The following FMNL3 variants were observed in gnomAD, a reference collection of about 807,000 sequenced individuals.
FMNL3 encodes the protein formin-like protein 3.
A neutral mutation model predicts 119.6 loss-of-function variants in FMNL3; 57 were observed. The observed-to-expected ratio is 0.48, with a 90% CI of 0.39 to 0.59. The LOEUF (loss-of-function observed/expected upper bound fraction) is 0.59. FMNL3 is among the 20% of genes least tolerant of loss of function. The probability of loss-of-function intolerance (pLI) is 0.00; values close to 1 mark genes in which losing one functional copy is unlikely to be tolerated. For synonymous variants in FMNL3, 491 were observed against 507.3 expected, an observed-to-expected ratio of 0.97 and a Z score of 0.43; for missense variants, 1,053 against 1,323.5, an observed-to-expected ratio of 0.80 and a Z score of 3.17.
rs1430038714 is a variant in FMNL3 at position 49,643,888 on chromosome 12, G to C, written c.*1927C>G. The C allele has an allele frequency of 1.2e-6, 2 of 1,614,224 alleles. No homozygotes were observed. Among genetic ancestry groups the C allele is most frequent in the Non-Finnish European group, 8.5e-7 (1 of 1,180,038 alleles). ...TAGTCCTGAGAGTGAGACAGACCCT[G>C]AGGAGAAAGCTGGCAAGGAGAGCGA... On this transcript the variant is annotated 3_prime_UTR_variant, in exon 26 of 26. Coordinates refer to ENST00000335154, the MANE Select transcript of FMNL3 (RefSeq NM_175736.5).
At position 49,649,197 on chromosome 12, in the gene FMNL3, A is replaced by C; in HGVS notation, c.2386-39T>G. 6.2e-7 allele frequency: 1 copy of C among 1,612,452 alleles called. No individual in the cohort carries two copies. The highest frequency in any genetic ancestry group is 8.5e-7 in the Non-Finnish European group (1 of 1,179,198). On this transcript the variant is annotated intron_variant, in intron 20 of 25. Transcript: ENST00000335154. The surrounding 1 kb of genome is among the most constrained non-coding windows in gnomAD (Gnocchi z 5.6). ...TGAGGGCGGTGCACAAGAGCTAAGC[A>C]CTCTGGCTCCACAACTGCTGCCCCC...
In FMNL3 at chr12:49,654,344, A is replaced by G. The variant is rs766539066; in HGVS notation, c.961-42T>C. 2.6e-6 allele frequency: 4 copies of G among 1,559,102 alleles called. No homozygotes were observed. In the Admixed American group the frequency reaches 6.7e-5, roughly 26 times the overall value. The stretch of plus-strand genomic sequence containing the variant: ...CCAGAGAAGCAGCAACAGGAAGGGC[A>G]GAGGAAAGGCAAGAGACCAGGAGGA... On this transcript the variant is annotated intron_variant, in intron 10 of 25. Coordinates refer to ENST00000335154, the MANE Select transcript of FMNL3 (RefSeq NM_175736.5).
chr12:49,657,273 A>G, intron 6 of FMNL3, 83 bp from the exon 7 acceptor site: 1 of 1,109,232 alleles, frequency 9.0e-7, no homozygotes. Context: ...CCCGGACAGC[A>G]GGCTGCCCCT....
At chr12:49,660,092 A>T in intron 5 of FMNL3, 1 of 277,538 alleles carries the variant, frequency 3.6e-6, no homozygotes, top group Non-Finnish European at 5.5e-6. Flanking sequence ...TGACAGGGAA[A>T]CAGCTTGCTG....
rs184121414 is a variant in FMNL3, at chr12:49,694,199, C to A, written c.126+12856G>T. 6.5e-4 allele frequency among the ~76,000 whole-genome samples: 99 copies of A among 152,300 alleles called. 1 individual carries two copies. Among genetic ancestry groups the A allele is most frequent in the Middle Eastern group, 3.4e-3 (1 of 294 alleles). ...CCTCCCAAAGTGCTGGAATTACAGGCATGAGCCACCACGCCCAGCCTATTT... is the reference window on the plus strand; with the variant it reads ...CCTCCCAAAGTGCTGGAATTACAGGAATGAGCCACCACGCCCAGCCTATTT... On this transcript the variant is annotated intron_variant, in intron 1 of 25. Transcript: ENST00000335154.
chr12:49,665,877 T>C lies in FMNL3; in HGVS notation c.323A>G (p.Lys108Arg), dbSNP rs1264007379. 1 of 1,614,148 alleles carries C rather than the reference T, an allele frequency of 6.2e-7. No individual in the cohort carries two copies. ...AGAGATCTCCAGCTCCCTTAGTACT[T>C]TGGTTGACTCCTGCACCCTCCTCCT... ...KFRRRVQEST[K>R]VLRELEISLR... is the part of the protein sequence containing the mutation. The change falls in exon 4 of 26, where the codon AAA becomes AGA. Residue 108 changes from lysine (K) to arginine (R), a missense_variant. Lys to Arg is a conservative substitution (Grantham distance 26). Around this residue, in one of 4 missense-constraint regions of FMNL3, gnomAD observed 264 missense variants for 265.5 expected, o/e 0.99. Transcript: ENST00000335154.
chr12:49,662,768 T>A (rs935658655), intron 4 of FMNL3, among the ~76,000 whole-genome samples: 1 of 152,150 alleles, frequency 6.6e-6, no homozygotes, highest in African/African-American at 2.4e-5. Context: ...AAGGACCATA[T>A]CCCAGGGCAT....
chr12:49,670,672 G>C (rs1944021376), intron 1 of FMNL3, among the ~76,000 whole-genome samples: 1 of 152,190 alleles, frequency 6.6e-6, no homozygotes, highest in Non-Finnish European at 1.5e-5. Flanking sequence ...GCATCTGCCT[G>C]AACTTCCACA....
At chr12:49,704,673 C>T (rs1327376804) in intron 1 of FMNL3, among the ~76,000 whole-genome samples, 2 of 146,504 alleles carry the variant, frequency 1.4e-5, no homozygotes, top group East Asian at 2.0e-4. Flanking sequence ...ATCGTGCTGC[C>T]GCACTCCAGC....
intron 1 of FMNL3, among the ~76,000 whole-genome samples, chr12:49,693,744 G>A (rs1297454629): frequency 1.4e-5 from 2 of 146,512 alleles, no homozygotes; most frequent in Non-Finnish European, 3.0e-5. Context: ...TGCCTCCTGG[G>A]TTCAAGCAAT....
At chr12:49,661,063 G>A (rs1943719456) in intron 5 of FMNL3, among the ~76,000 whole-genome samples, 1 of 152,188 alleles carries the variant, frequency 6.6e-6, no homozygotes, top group African/African-American at 2.4e-5. Flanking sequence ...TGGGAAGATT[G>A]GTCTCCCTAA....
In FMNL3 at chr12:49,643,624, G is replaced by A. The variant is rs963374748; in HGVS notation, c.*2191C>T. 1.4e-5 allele frequency: 21 copies of A among 1,536,876 alleles called. No individual in the cohort carries two copies. In the Middle Eastern group the frequency reaches 5.1e-4, roughly 37 times the overall value. ...CTGCCTGTGAAGAATGAACAGAGGG[G>A]CTAGAACAAAGAAAAAGAGCCTGTC... is the stretch of plus-strand genomic sequence containing the variant. On this transcript the variant is annotated 3_prime_UTR_variant, in exon 26 of 26. Coordinates refer to ENST00000335154, the MANE Select transcript of FMNL3 (RefSeq NM_175736.5).
At chr12:49,696,359 A>T (rs1403964503) in intron 1 of FMNL3, among the ~76,000 whole-genome samples, 1 of 152,160 alleles carries the variant, frequency 6.6e-6, no homozygotes, top group Non-Finnish European at 1.5e-5. Flanking sequence ...GCCCCATGGA[A>T]CCCATGTGTA....
intron 1 of FMNL3, among the ~76,000 whole-genome samples, chr12:49,671,757 T>C (rs1048558697): frequency 1.1e-4 from 16 of 152,300 alleles, no homozygotes; most frequent in Non-Finnish European, 2.2e-4. Context: ...TCCTTGACAT[T>C]TTTTCTTCAG....
In FMNL3 at chr12:49,637,183, G is replaced by A. The variant is rs1452227967; in HGVS notation, c.*8632C>T. ...ATTCCCTCAGCTTGGGGGTGGCAGT[G>A]GTGGTGGTAGTGCTAGGGGTTACTG... On this transcript the variant is annotated 3_prime_UTR_variant, in exon 26 of 26. Coordinates refer to ENST00000335154, the MANE Select transcript of FMNL3 (RefSeq NM_175736.5). 2 of 568,580 alleles carry A rather than the reference G, an allele frequency of 3.5e-6. No individual in the cohort carries two copies. The highest frequency in any genetic ancestry group is 2.2e-5 in the South Asian group (1 of 45,682). 35.2% of individuals were successfully genotyped at this position (568,580 alleles called of 1,614,324 possible).
At chr12:49,704,602 TG>T (rs1288139110) in intron 1 of FMNL3, among the ~76,000 whole-genome samples, 6 of 146,662 alleles carry the variant, frequency 4.1e-5, no homozygotes, top group Non-Finnish European at 5.9e-5. Context: ...TCCCAGCTAC[TG>T]GGGAGGCTGA....
chr12:49,668,867 A>C (rs546287577), intron 1 of FMNL3, among the ~76,000 whole-genome samples: 1 of 152,362 alleles, frequency 6.6e-6, no homozygotes, highest in East Asian at 1.9e-4. Flanking sequence ...TGTTTTGTGA[A>C]GCTTTAGTTT....
intron 4 of FMNL3, among the ~76,000 whole-genome samples, chr12:49,664,560 C>T (rs1943834091): frequency 6.6e-6 from 1 of 152,084 alleles, no homozygotes; most frequent in African/African-American, 2.4e-5. Flanking sequence ...ACTAAGCAGC[C>T]CCTGCCACTT....
At chr12:49,677,187 C>T (rs1412491308) in intron 1 of FMNL3, among the ~76,000 whole-genome samples, 1 of 152,242 alleles carries the variant, frequency 6.6e-6, no homozygotes, top group Non-Finnish European at 1.5e-5. Context: ...ACTCCCCTAA[C>T]AGTGTCTCTG....
Sources: allele counts gnomAD v4.1 joint callset (sites outside exome capture counted in the v4.1 genomes callset), GRCh38; gene constraint gnomAD v4.1.1; regional missense constraint gnomAD v4.1.1; non-coding constraint Gnocchi (gnomAD v3.1); transcripts MANE v1.5; gene names NCBI Gene and HGNC (gene_info 2026-07-23, HGNC 2026-07-21).